Variants in MROH1 observed in about 807,000 individuals in gnomAD.
The protein encoded by MROH1 is maestro heat-like repeat-containing protein family member 1.
In MROH1, 117 loss-of-function variants were observed where a neutral mutation model predicts 116.5. The observed-to-expected ratio is 1.00, with a 90% confidence interval of 0.86 to 1.17. The LOEUF is 1.17. MROH1 is among the 50% of genes most tolerant of loss of function. MROH1 has a pLI of 0.00. For missense variants in MROH1, 1,873 were observed against 1,338.5 expected, an observed-to-expected ratio of 1.40 and a Z score of -6.23; for synonymous variants, 921 against 583.9, an observed-to-expected ratio of 1.58 and a Z score of -8.32.
chr8:144,181,326 A>AGGGGCCCGGTGATGGGGGG (rs1300090397), intron 7 of MROH1, among the ~76,000 whole-genome samples: 3 of 102,816 alleles, frequency 2.9e-5, no homozygotes, highest in African/African-American at 1.2e-4. Context: ...GTGATGGGGG[A>AGGGGCCCGGTGATGGGGGG]GGGGCCTGGT....
At chr8:144,158,475 C>T (rs1479580499) in intron 1 of MROH1, among the ~76,000 whole-genome samples, 53 of 152,268 alleles carry the variant, frequency 3.5e-4, no homozygotes, top group Non-Finnish European at 5.9e-5. Flanking sequence ...CCTGCACATT[C>T]TCTGTATACT....
At chr8:144,210,061 C>T (rs1833758848) in intron 12 of MROH1, among the ~76,000 whole-genome samples, 1 of 151,770 alleles carries the variant, frequency 6.6e-6, no homozygotes, top group Admixed American at 6.6e-5. Flanking sequence ...CTATTCCAGT[C>T]ACAGTTCTTC....
At chr8:144,253,634 A>C (rs973990751) in intron 33 of MROH1, among the ~76,000 whole-genome samples, 6,527 of 150,640 alleles carry the variant, frequency 0.043, 181 homozygotes, top group African/African-American at 0.071. Flanking sequence ...TGCTCCCCAC[A>C]CTCACGCCCA....
At chr8:144,256,454 C>T (rs1427347920) in intron 35 of MROH1, among the ~76,000 whole-genome samples, 1 of 151,970 alleles carries the variant, frequency 6.6e-6, no homozygotes, top group Non-Finnish European at 1.5e-5. Context: ...CTTCAGCCCC[C>T]TCCCCCTGCC....
intron 12 of MROH1, among the ~76,000 whole-genome samples, chr8:144,205,517 G>GACAC (rs10695749): frequency 0.015 from 2,282 of 148,620 alleles, 40 homozygotes; most frequent in African/African-American, 0.04. Context: ...CATATATATA[G>GACAC]ACACACACAC....
chr8:144,226,778 G>T (rs1837907985), intron 14 of MROH1, among the ~76,000 whole-genome samples: 1 of 152,170 alleles, frequency 6.6e-6, no homozygotes. Context: ...CTGGAGTCAG[G>T]TAATGTGAGT....
At chr8:144,260,092 AGCATGGGTGGGGGGCTGT>A (rs1391847713) in intron 38 of MROH1, 35 bp downstream of exon 38, 1 of 737,652 alleles carries the variant, frequency 1.4e-6, no homozygotes, top group East Asian at 2.5e-5. Context: ...GGTCCCAGGC[AGCATGGGTGGGGGGCTGT>A]GCATGGAGGC....
intron 12 of MROH1, among the ~76,000 whole-genome samples, chr8:144,215,269 T>C (rs1834984609): frequency 6.6e-6 from 1 of 152,206 alleles, no homozygotes; most frequent in Non-Finnish European, 1.5e-5. Context: ...TCACAAATGT[T>C]CCAAAGTTCG....
At chr8:144,261,420 A>G in intron 43 of MROH1, 71 bp downstream of exon 43, 1 of 699,988 alleles carries the variant, frequency 1.4e-6, no homozygotes. Flanking sequence ...GGACTAAGTG[A>G]TTTTCCTGGA....
chr8:144,247,457 TG>T, intron 30 of MROH1, 21 bp downstream of exon 30: 1 of 768,032 alleles, frequency 1.3e-6, no homozygotes, highest in Admixed American at 1.7e-5. Context: ...GTCAGGAGTG[TG>T]GGGGCCAGTG....
intron 12 of MROH1, among the ~76,000 whole-genome samples, chr8:144,219,511 A>G (rs1836255642): frequency 6.6e-6 from 1 of 152,118 alleles, no homozygotes; most frequent in Non-Finnish European, 1.5e-5. Context: ...GGCTATGAAG[A>G]TCCTTCTACA....
At chr8:144,199,071 C>T in intron 10 of MROH1, 51 bp from the exon 11 acceptor site, 1 of 1,564,642 alleles carries the variant, frequency 6.4e-7, no homozygotes, top group Non-Finnish European at 8.7e-7. Context: ...GGGCGGGAAT[C>T]CTTCCTTCTG....
At chr8:144,243,177 G>A (rs932260739) in intron 24 of MROH1, among the ~76,000 whole-genome samples, 6 of 152,240 alleles carry the variant, frequency 3.9e-5, no homozygotes, top group Non-Finnish European at 7.3e-5. Context: ...CTGGGAGGGC[G>A]GGGCTGTTCT....
intron 10 of MROH1, chr8:144,193,181 G>A (rs912633860): frequency 6.3e-6 from 1 of 157,572 alleles, no homozygotes; most frequent in Non-Finnish European, 1.4e-5. Context: ...CATAATGTAA[G>A]TGCTGTGAAC....
intron 35 of MROH1, among the ~76,000 whole-genome samples, chr8:144,257,911 A>C (rs1029116454): frequency 6.6e-6 from 1 of 152,216 alleles, no homozygotes; most frequent in Non-Finnish European, 1.5e-5. Flanking sequence ...GGAAAGCCAC[A>C]TGGCAGGGGC....
intron 26 of MROH1, 34 bp downstream of exon 26, chr8:144,243,976 G>T (rs1841436872): frequency 6.5e-6 from 5 of 774,666 alleles, no homozygotes; most frequent in Non-Finnish European, 1.2e-5. Flanking sequence ...GGCCCGTGCA[G>T]CTGCGTGTGT....
intron 4 of MROH1, among the ~76,000 whole-genome samples, chr8:144,176,845 A>C (rs1213736294): frequency 6.6e-6 from 1 of 150,976 alleles, no homozygotes; most frequent in Non-Finnish European, 1.5e-5. Flanking sequence ...AAAAAAAAAG[A>C]AATGATTCTC....
intron 35 of MROH1, 136 bp from the exon 36 acceptor site, chr8:144,258,641 C>T (rs1844380141): frequency 1.5e-6 from 1 of 673,464 alleles, no homozygotes. Flanking sequence ...GAGCCTGCTT[C>T]CTGGAGAGTG....
chr8:144,210,928 C>T (rs1833964999), intron 12 of MROH1, among the ~76,000 whole-genome samples: 1 of 152,142 alleles, frequency 6.6e-6, no homozygotes, highest in African/African-American at 2.4e-5. Context: ...TCACCACCAT[C>T]TGCCTCCACA....
Sources: gnomAD v4.1 joint callset for allele counts (sites outside exome capture counted in the v4.1 genomes callset) on GRCh38, gnomAD v4.1.1 for gene constraint, MANE v1.5 for transcripts, NCBI Gene and HGNC (gene_info 2026-07-23, HGNC 2026-07-21) for gene names.